Variants in PDE1C observed in about 807,000 individuals in gnomAD.
The protein encoded by PDE1C is dual specificity calcium/calmodulin-dependent 3',5'-cyclic nucleotide phosphodiesterase 1C.
Under a neutral mutation model 93.1 loss-of-function variants are expected in PDE1C, and 62 were observed. The ratio of observed to expected loss-of-function variants is 0.67; its 90% CI spans 0.54 to 0.82. PDE1C has a LOEUF of 0.82. PDE1C is among the 40% of genes least tolerant of loss of function. PDE1C has a pLI of 0.00. For missense variants in PDE1C, 742 were observed against 884.6 expected (o/e 0.84, Z 2.04); for synonymous variants, 325 against 310.1 (o/e 1.05, Z -0.50).
intron 16 of PDE1C, 135 bp downstream of exon 16, chr7:31,808,896 T>A (rs1187383425): frequency 1.9e-5 from 11 of 565,962 alleles, no homozygotes; most frequent in Non-Finnish European, 3.2e-5. Context: ...TAGTACCCTT[T>A]AAATATAGTG....
chr7:32,278,347 A>G (rs1376773047), intron 1 of PDE1C, among the ~76,000 whole-genome samples: 2 of 152,224 alleles, frequency 1.3e-5, no homozygotes, highest in African/African-American at 2.4e-5. Flanking sequence ...TGGAAAGTCA[A>G]TATGAGAAAA....
chr7:31,719,810 A>G, the PDE1C span, among the ~76,000 whole-genome samples: 3 of 152,206 alleles, frequency 2.0e-5, no homozygotes, highest in Non-Finnish European at 2.9e-5. Context: ...ACCATGGCCA[A>G]TGCTGCTCTA....
intron 14 of PDE1C, among the ~76,000 whole-genome samples, chr7:31,817,458 G>A (rs1263575372): frequency 1.3e-5 from 2 of 152,106 alleles, no homozygotes; most frequent in African/African-American, 4.8e-5. Context: ...GCAGGGCTTT[G>A]GAGGCAATGA....
At chr7:32,062,888 C>T (rs1368999536) in intron 1 of PDE1C, among the ~76,000 whole-genome samples, 1 of 152,124 alleles carries the variant, frequency 6.6e-6, no homozygotes, top group Non-Finnish European at 1.5e-5. Context: ...ATGAACAAAA[C>T]TCATTACCTA....
Position 32,128,906 on chromosome 7 carries a change from A to ATAT in PDE1C, c.308+40878_308+40879insATA, listed in dbSNP as rs1799741717. 4.6e-4 allele frequency among the ~76,000 whole-genome samples: 26 copies of ATAT among 56,010 alleles called. 1 individual carries two copies. Among genetic ancestry groups the ATAT allele is most frequent in the African/African-American group, 1.4e-3 (21 of 14,960 alleles). 36.7% of individuals were successfully genotyped at this position (56,010 alleles called of 152,430 possible). On this transcript the variant is annotated intron_variant, in intron 3 of 18. Transcript: ENST00000396193. Reference sequence around the variant, plus strand: ...GTACCCTAGAACTTAAAGTATAACAAATATATATATATATATATATATATA... The same window carrying ATAT: ...GTACCCTAGAACTTAAAGTATAACAATATATATATATATATATATATATATATA...
intron 1 of PDE1C, among the ~76,000 whole-genome samples, chr7:32,354,253 C>G (rs1182210810): frequency 6.6e-6 from 1 of 152,040 alleles, no homozygotes; most frequent in Admixed American, 6.6e-5. Context: ...TGTGGAGAAA[C>G]CTCTTTTTCC....
At chr7:31,953,093 T>G (rs1807631682) in intron 2 of PDE1C, among the ~76,000 whole-genome samples, 1 of 152,208 alleles carries the variant, frequency 6.6e-6, no homozygotes, top group South Asian at 2.1e-4. Flanking sequence ...TGATAATAAT[T>G]ATATATGGCC....
At chr7:32,376,829 G>C (rs889935540) in intron 1 of PDE1C, among the ~76,000 whole-genome samples, 2 of 151,974 alleles carry the variant, frequency 1.3e-5, no homozygotes, top group Admixed American at 6.6e-5. Context: ...CTGGGACTAC[G>C]GGCGCCCGCC....
chr7:32,017,905 C>T (rs906731287), intron 2 of PDE1C, among the ~76,000 whole-genome samples: 1 of 106,548 alleles, frequency 9.4e-6, no homozygotes, highest in Non-Finnish European at 2.1e-5. Flanking sequence ...ATGGTGAAAC[C>T]CTGTCTCTAC....
intron 3 of PDE1C, among the ~76,000 whole-genome samples, chr7:32,152,746 G>A (rs1260764949): frequency 6.6e-6 from 1 of 152,074 alleles, no homozygotes; most frequent in Admixed American, 6.6e-5. Flanking sequence ...TAGTGATGTG[G>A]GTAAATAAAT....
chr7:32,324,043 T>C (rs1783352216), intron 1 of PDE1C, among the ~76,000 whole-genome samples: 1 of 152,208 alleles, frequency 6.6e-6, no homozygotes, highest in Non-Finnish European at 1.5e-5. Flanking sequence ...TTTTGTAGGA[T>C]ATGCAATCTA....
intron 1 of PDE1C, among the ~76,000 whole-genome samples, chr7:32,372,629 T>G (rs1179855780): frequency 1.3e-5 from 2 of 152,164 alleles, no homozygotes; most frequent in Non-Finnish European, 2.9e-5. Flanking sequence ...ATAGATAAAT[T>G]GGACTTCATC....
At chr7:31,780,742 ATTTG>A (rs1008594205) in intron 16 of PDE1C, among the ~76,000 whole-genome samples, 4 of 151,204 alleles carry the variant, frequency 2.6e-5, no homozygotes, top group Non-Finnish European at 5.9e-5. Flanking sequence ...AGTTTTTATT[ATTTG>A]TTTTAGAAAG....
chr7:31,703,549 G>A, the PDE1C span, among the ~76,000 whole-genome samples: 4 of 152,242 alleles, frequency 2.6e-5, no homozygotes, highest in African/African-American at 4.8e-5. Flanking sequence ...GATATTGTGT[G>A]ATTCTAGCTT....
chr7:31,813,074 GTT>G (rs539637849), intron 15 of PDE1C, among the ~76,000 whole-genome samples: 7 of 152,110 alleles, frequency 4.6e-5, no homozygotes, highest in Non-Finnish European at 8.8e-5. Flanking sequence ...TCTGATACAT[GTT>G]AAGCATTCAA....
intron 17 of PDE1C, among the ~76,000 whole-genome samples, chr7:31,760,476 G>T (rs1204751129): frequency 6.6e-6 from 1 of 152,038 alleles, no homozygotes; most frequent in Non-Finnish European, 1.5e-5. Flanking sequence ...ACTGGCCTTG[G>T]TCCTTTCAAT....
the PDE1C span, among the ~76,000 whole-genome samples, chr7:31,739,958 TTC>T: frequency 1.3e-5 from 2 of 152,304 alleles, no homozygotes; most frequent in African/African-American, 2.4e-5. Flanking sequence ...TGACTTTACT[TTC>T]TCTCTCTTTC....
At chr7:32,266,303 A>T (rs1394991482) in intron 1 of PDE1C, among the ~76,000 whole-genome samples, 1 of 151,298 alleles carries the variant, frequency 6.6e-6, no homozygotes, top group Non-Finnish European at 1.5e-5. Context: ...AAAAGAAAAA[A>T]AGAAATCGCC....
Position 32,097,948 on chromosome 7 carries a change from C to T in PDE1C, c.308+71837G>A, listed in dbSNP as rs150720448. On this transcript the variant is annotated intron_variant, in intron 3 of 18. Coordinates refer to the PDE1C transcript ENST00000396193. ...GCCCAGCCCTTTAAAGACATAAATC[C>T]GGCCGGGCGCGGTGGCTCACGCCTG... Among the ~76,000 whole-genome samples the T allele has an allele frequency of 2.6e-4, 39 of 152,156 alleles. 1 individual carries two copies. Among genetic ancestry groups the T allele is most frequent in the African/African-American group, 7.2e-4 (30 of 41,454 alleles).
Sources: allele counts gnomAD v4.1 joint callset (sites outside exome capture counted in the v4.1 genomes callset), GRCh38; gene constraint gnomAD v4.1.1; transcripts MANE v1.5; gene names NCBI Gene and HGNC (gene_info 2026-07-23, HGNC 2026-07-21).